Variants in ELMO1 observed in about 807,000 individuals in gnomAD.
ELMO1 encodes engulfment and cell motility 1.
In ELMO1, 26 loss-of-function variants were observed where a neutral mutation model predicts 98.9. The ratio of observed to expected loss-of-function variants is 0.26; its 90% CI spans 0.19 to 0.36. The LOEUF is 0.36. Among genes scored for constraint, ELMO1 ranks in the 10% least tolerant of loss-of-function variants. ELMO1 has a pLI of 1.00. For synonymous variants in ELMO1, 346 were observed against 346.0 expected, an observed-to-expected ratio of 1.00 and a Z score of 0.00; for missense variants, 627 against 935.2, an observed-to-expected ratio of 0.67 and a Z score of 4.30.
At chr7:37,130,704 T>C (rs531430064) in intron 14 of ELMO1, among the ~76,000 whole-genome samples, 1 of 152,130 alleles carries the variant, frequency 6.6e-6, no homozygotes, top group Non-Finnish European at 1.5e-5. Context: ...GGGACCATGA[T>C]ACCTGGGAGT....
chr7:37,060,126 C>G (rs1413402090), intron 15 of ELMO1, among the ~76,000 whole-genome samples: 1 of 152,156 alleles, frequency 6.6e-6, no homozygotes, highest in East Asian at 1.9e-4. Flanking sequence ...ATAAAGAGAA[C>G]CTAAATTAAG....
At chr7:36,922,465 G>T (rs1007242009) in intron 16 of ELMO1, among the ~76,000 whole-genome samples, 8 of 151,382 alleles carry the variant, frequency 5.3e-5, no homozygotes, top group African/African-American at 1.2e-4. Flanking sequence ...TCAGCCCACA[G>T]ATTATTTGTC....
intron 2 of ELMO1, among the ~76,000 whole-genome samples, chr7:37,326,154 G>A (rs1426361056): frequency 1.3e-5 from 2 of 152,150 alleles, no homozygotes; most frequent in Non-Finnish European, 2.9e-5. Context: ...GACAACAGTT[G>A]CTGTGTGAAT....
At position 37,182,023 on chromosome 7, in the gene ELMO1, G is replaced by GAA. The variant is rs10649379; in HGVS notation, c.1086+29361_1086+29362dup. ...CTCCAATTGCCCCCCTCTCAAATAA[G>GAA]AAAAAAAAAATTAAAAACACATTTA... On this transcript the variant is annotated intron_variant, in intron 13 of 21. Coordinates refer to ENST00000310758, the MANE Select transcript of ELMO1 (RefSeq NM_014800.11). Among the ~76,000 whole-genome samples, 1,490 of 150,698 alleles carry GAA rather than the reference G, an allele frequency of 9.9e-3. 34 individuals carry two copies. The highest frequency in any genetic ancestry group is 0.033 in the African/African-American group (1,358 of 41,070).
chr7:37,095,254 T>G (rs139221495), intron 15 of ELMO1, among the ~76,000 whole-genome samples: 4 of 152,254 alleles, frequency 2.6e-5, no homozygotes, highest in African/African-American at 7.2e-5. Context: ...ATTTCCCCCA[T>G]GAAATTGAGA....
At chr7:37,265,971 G>A (rs1308502792) in intron 5 of ELMO1, among the ~76,000 whole-genome samples, 1 of 152,110 alleles carries the variant, frequency 6.6e-6, no homozygotes, top group Non-Finnish European at 1.5e-5. Context: ...TGCCCTCCAC[G>A]ACACTCCTTC....
chr7:36,985,199 A>G (rs1395615134), intron 16 of ELMO1: 2 of 793,966 alleles, frequency 2.5e-6, no homozygotes, highest in African/African-American at 3.7e-5. Context: ...CAGAGAGCCA[A>G]TCCTTGAATA....
chr7:37,297,498 A>T (rs1413669413), intron 4 of ELMO1, among the ~76,000 whole-genome samples: 1 of 152,170 alleles, frequency 6.6e-6, no homozygotes, highest in Non-Finnish European at 1.5e-5. Context: ...ATATACCTAG[A>T]TGACACAATT....
chr7:36,877,151 A>G (rs1396277392), intron 19 of ELMO1, among the ~76,000 whole-genome samples: 1 of 152,198 alleles, frequency 6.6e-6, no homozygotes, highest in African/African-American at 2.4e-5. Context: ...GACTCTGGGT[A>G]AGGACACTGT....
chr7:37,121,209 T>G (rs2129288048), intron 14 of ELMO1, among the ~76,000 whole-genome samples: 1 of 152,202 alleles, frequency 6.6e-6, no homozygotes, highest in South Asian at 2.1e-4. Flanking sequence ...ATTCTAAAAA[T>G]CAGAGCGCCT....
chr7:36,968,916 G>A (rs1425506456), intron 16 of ELMO1, among the ~76,000 whole-genome samples: 1 of 151,900 alleles, frequency 6.6e-6, no homozygotes, highest in Non-Finnish European at 1.5e-5. Context: ...GGCAGCTTTG[G>A]CTATATCCCA....
intron 1 of ELMO1, among the ~76,000 whole-genome samples, chr7:37,404,951 A>T (rs910516050): frequency 6.6e-6 from 1 of 152,168 alleles, no homozygotes; most frequent in Non-Finnish European, 1.5e-5. Context: ...AAATGCAAAC[A>T]GCTCATGATC....
At chr7:37,156,290 G>A (rs984948239) in intron 13 of ELMO1, among the ~76,000 whole-genome samples, 1 of 152,052 alleles carries the variant, frequency 6.6e-6, no homozygotes, top group African/African-American at 2.4e-5. Context: ...AACTTCAAAA[G>A]CTAGCAGAAG....
chr7:37,355,070 G>A (rs903282162), intron 1 of ELMO1, among the ~76,000 whole-genome samples: 4 of 152,118 alleles, frequency 2.6e-5, no homozygotes, highest in Non-Finnish European at 4.4e-5. Context: ...CGCCTCTCAC[G>A]GAATACCATT....
intron 14 of ELMO1, among the ~76,000 whole-genome samples, chr7:37,097,175 G>A (rs904170535): frequency 5.9e-5 from 9 of 152,266 alleles, no homozygotes; most frequent in African/African-American, 1.9e-4. Flanking sequence ...GGCATCAGTT[G>A]AATAAATCAT....
chr7:37,117,891 A>AT (rs1785709591), intron 14 of ELMO1, among the ~76,000 whole-genome samples: 1 of 152,214 alleles, frequency 6.6e-6, no homozygotes, highest in South Asian at 2.1e-4. Context: ...TGTCACTCAG[A>AT]TAAAAAAAGG....
chr7:36,888,276 T>A (rs1805217203), intron 17 of ELMO1, among the ~76,000 whole-genome samples: 1 of 152,222 alleles, frequency 6.6e-6, no homozygotes, highest in South Asian at 2.1e-4. Flanking sequence ...CTCAGGCTAA[T>A]GCAATATAAT....
intron 4 of ELMO1, among the ~76,000 whole-genome samples, chr7:37,307,430 G>A (rs557209129): frequency 2.6e-5 from 4 of 152,210 alleles, no homozygotes; most frequent in African/African-American, 4.8e-5. Flanking sequence ...CCCTTCCACC[G>A]TGATTGTCAG....
At chr7:37,205,794 T>C (rs116001478) in intron 13 of ELMO1, among the ~76,000 whole-genome samples, 9 of 152,318 alleles carry the variant, frequency 5.9e-5, no homozygotes, top group African/African-American at 2.2e-4. Context: ...ATGTTGAATA[T>C]TGATTTGGGC....
Sources: gnomAD v4.1 joint callset for allele counts (sites outside exome capture counted in the v4.1 genomes callset) on GRCh38, gnomAD v4.1.1 for gene constraint, MANE v1.5 for transcripts, NCBI Gene and HGNC (gene_info 2026-07-23, HGNC 2026-07-21) for gene names.